The following DLC1 variants were observed in gnomAD, a reference collection of about 807,000 sequenced individuals.
The protein encoded by DLC1 is DLC1 Rho GTPase activating protein, also known as rho GTPase-activating protein 7.
A neutral mutation model predicts 140.3 loss-of-function variants in DLC1; 54 were observed. The ratio of observed to expected loss-of-function variants is 0.38; its 90% CI spans 0.31 to 0.48. DLC1 has a LOEUF of 0.48. Ranked by LOEUF, DLC1 falls within the 20% of genes least tolerant of loss-of-function variation. The pLI is 0.96. For synonymous variants in DLC1, 986 were observed against 728.1 expected (o/e 1.35, Z -5.70); for missense variants, 2,536 against 1,907.0 (o/e 1.33, Z -6.14).
At chr8:13,441,072 C>G (rs1585112676) in intron 2 of DLC1, among the ~76,000 whole-genome samples, 1 of 152,124 alleles carries the variant, frequency 6.6e-6, no homozygotes, top group Non-Finnish European at 1.5e-5. Flanking sequence ...ATAATTCTAC[C>G]AAACTACCAC....
At chr8:13,188,438 A>G (rs994962670) in intron 5 of DLC1, among the ~76,000 whole-genome samples, 39 of 149,530 alleles carry the variant, frequency 2.6e-4, no homozygotes, top group Admixed American at 1.8e-3. Flanking sequence ...AAAAAAAAAA[A>G]AAAGAAAAGT....
chr8:13,261,032 T>A (rs1259726728), intron 5 of DLC1, among the ~76,000 whole-genome samples: 1 of 152,226 alleles, frequency 6.6e-6, no homozygotes, highest in Non-Finnish European at 1.5e-5. Flanking sequence ...CAAAGACTAA[T>A]GTGTCAGGCA....
intron 5 of DLC1, among the ~76,000 whole-genome samples, chr8:13,188,940 C>G (rs1187275694): frequency 6.8e-6 from 1 of 147,494 alleles, no homozygotes; most frequent in South Asian, 2.2e-4. Context: ...CCGCCCGCCT[C>G]GGCCTCCCAA....
At chr8:13,368,227 T>C (rs1187007487) in intron 4 of DLC1, among the ~76,000 whole-genome samples, 1 of 152,214 alleles carries the variant, frequency 6.6e-6, no homozygotes, top group Non-Finnish European at 1.5e-5. Flanking sequence ...GTCTCAAACT[T>C]GATAAAGGGC....
intron 10 of DLC1, among the ~76,000 whole-genome samples, chr8:13,096,916 A>G (rs2128934241): frequency 6.6e-6 from 1 of 152,336 alleles, no homozygotes; most frequent in South Asian, 2.1e-4. Flanking sequence ...GGATTCCCAG[A>G]TGACACTGAA....
intron 4 of DLC1, among the ~76,000 whole-genome samples, chr8:13,337,579 A>G (rs1002095299): frequency 7.2e-5 from 11 of 152,178 alleles, no homozygotes; most frequent in Admixed American, 2.6e-4. Context: ...ACACTGCTCA[A>G]TTTTCTGTGT....
chr8:13,189,963 C>A (rs557677568), intron 5 of DLC1, among the ~76,000 whole-genome samples: 1 of 151,878 alleles, frequency 6.6e-6, no homozygotes, highest in African/African-American at 2.4e-5. Flanking sequence ...GAGAGCCCAG[C>A]GCATGGACAG....
chr8:13,200,889 C>A (rs1253325298), intron 5 of DLC1, among the ~76,000 whole-genome samples: 1 of 152,184 alleles, frequency 6.6e-6, no homozygotes, highest in African/African-American at 2.4e-5. Context: ...TGACCCACTG[C>A]ACCCAGCCCT....
At chr8:13,207,137 T>C (rs1469920232) in intron 5 of DLC1, among the ~76,000 whole-genome samples, 1 of 152,222 alleles carries the variant, frequency 6.6e-6, no homozygotes, top group African/African-American at 2.4e-5. Context: ...TTAAAACTCA[T>C]ACACAAATTT....
intron 1 of DLC1, among the ~76,000 whole-genome samples, chr8:13,577,673 A>G (rs748821941): frequency 1.3e-5 from 2 of 152,196 alleles, no homozygotes; most frequent in African/African-American, 4.8e-5. Context: ...TAAATTTTTC[A>G]TTCCTGATTG....
chr8:13,309,197 G>A (rs573914916), intron 4 of DLC1, among the ~76,000 whole-genome samples: 25 of 152,228 alleles, frequency 1.6e-4, no homozygotes, highest in South Asian at 1.2e-3. Context: ...AATTAAATAG[G>A]ATTTTCCTGC....
At chr8:13,584,654 A>G (rs1419068922) in intron 1 of DLC1, 1 of 152,176 alleles carries the variant, frequency 6.6e-6, no homozygotes, top group Non-Finnish European at 1.5e-5. Flanking sequence ...TCCTGATGAG[A>G]GAACTACAAT....
chr8:13,108,981 C>T (rs571109889), intron 7 of DLC1, among the ~76,000 whole-genome samples: 6 of 152,130 alleles, frequency 3.9e-5, no homozygotes, highest in East Asian at 1.9e-4. Context: ...ACACCCTGTA[C>T]GTTTCTATCA....
chr8:13,574,770 G>C (rs1804777924), intron 1 of DLC1, among the ~76,000 whole-genome samples: 1 of 152,154 alleles, frequency 6.6e-6, no homozygotes, highest in Admixed American at 6.5e-5. Flanking sequence ...TGAGAGAAAA[G>C]TCAGCTCAAT....
At chr8:13,116,842 G>A (rs1820597725) in intron 5 of DLC1, among the ~76,000 whole-genome samples, 2 of 152,134 alleles carry the variant, frequency 1.3e-5, no homozygotes, top group Admixed American at 1.3e-4. Context: ...AAACGATTAT[G>A]GCAGTAGCCT....
chr8:13,140,091 AC>A (rs1173404999), intron 5 of DLC1, among the ~76,000 whole-genome samples: 2 of 151,872 alleles, frequency 1.3e-5, no homozygotes, highest in African/African-American at 4.8e-5. Context: ...CCATTATTTC[AC>A]TTGCTGTCCC....
chr8:13,434,219 G>A (rs956358876), intron 2 of DLC1, among the ~76,000 whole-genome samples: 1 of 152,150 alleles, frequency 6.6e-6, no homozygotes, highest in Non-Finnish European at 1.5e-5. Flanking sequence ...CCTATTTAAT[G>A]CCATACTTTT....
At chr8:13,227,333 T>C (rs2117183666) in intron 5 of DLC1, among the ~76,000 whole-genome samples, 1 of 152,316 alleles carries the variant, frequency 6.6e-6, no homozygotes, top group South Asian at 2.1e-4. Context: ...TTATGTCTCG[T>C]ACTTTATTTC....
At chr8:13,203,016 A>C (rs977066091) in intron 5 of DLC1, among the ~76,000 whole-genome samples, 6 of 152,156 alleles carry the variant, frequency 3.9e-5, no homozygotes, top group Non-Finnish European at 8.8e-5. Context: ...AATTAGCTTG[A>C]GATTTCAGCT....
Sources: allele counts gnomAD v4.1 joint callset (sites outside exome capture counted in the v4.1 genomes callset), GRCh38; gene constraint gnomAD v4.1.1; transcripts MANE v1.5; gene names NCBI Gene and HGNC (gene_info 2026-07-23, HGNC 2026-07-21).